The following RIN1 variants were observed in gnomAD, a reference collection of about 807,000 sequenced individuals.
RIN1 encodes ras inhibitor 1.
RIN1 carries 52 observed loss-of-function variants against 64.9 expected under a neutral mutation model. That is an observed-to-expected ratio of 0.80 (90% CI 0.64 to 1.01). The LOEUF (loss-of-function observed/expected upper bound fraction) is 1.01. RIN1 is among the 50% of genes least tolerant of loss of function. RIN1 has a pLI of 0.00. For synonymous variants in RIN1, 486 were observed against 483.6 expected, an observed-to-expected ratio of 1.00 and a Z score of -0.06; for missense variants, 1,040 against 1,064.5, an observed-to-expected ratio of 0.98 and a Z score of 0.32.
In RIN1 at chr11:66,335,021, G is replaced by A. The variant is rs374961888; in HGVS notation, c.778C>T (p.Pro260Ser). The A allele has an allele frequency of 6.5e-7, 1 of 1,537,890 alleles. No individual in the cohort carries two copies. The highest frequency in any genetic ancestry group is 1.4e-5 in the African/African-American group (1 of 72,304). Residue 260 changes from proline to serine, a missense_variant, in exon 6 of 10, where the codon CCT (proline) becomes TCT (serine). Physicochemically the swap from Pro to Ser is moderately conservative, Grantham distance 74. Coordinates refer to ENST00000311320, the MANE Select transcript of RIN1 (RefSeq NM_004292.3). ...GGGACGGGGGGAGGTGGCACGGCAG[G>A]TGGAGACAGGGGGCTGGAGGTCTCT... ...STETSSPLSP[P>S]AVPPPPVPVL...
Position 66,332,558 on chromosome 11 carries a change from G to A in RIN1, c.2070C>T (p.Ala690=), listed in dbSNP as rs145710377. The part of the protein sequence containing the change: ...GYHRLPPGAL[A]HRLPTTGYLV... ...GGTAGCCAGTGGTGGGCAGCCTGTGGGCCAGGGCCCCAGGGGGCAGGCGGT... is the reference window on the plus strand; with the variant it reads ...GGTAGCCAGTGGTGGGCAGCCTGTGAGCCAGGGCCCCAGGGGGCAGGCGGT... The change falls in exon 10 of 10, where the codon GCC becomes GCT. Residue 690 remains alanine, a synonymous_variant. Transcript: ENST00000311320. 2.0e-3 allele frequency: 3,184 copies of A among 1,612,924 alleles called. 48 individuals are homozygous for A. The African/African-American group carries it at 0.036, about 18-fold the overall frequency.
chr11:66,336,704 G>A (rs746998302), upstream of RIN1: 7 of 393,222 alleles, frequency 1.8e-5, no homozygotes, highest in African/African-American at 6.1e-5. Flanking sequence ...GTGGTTAAGC[G>A]GCCTCAGTCC....
intron 6 of RIN1, 49 bp from the exon 7 acceptor site, chr11:66,334,273 G>A: frequency 3.8e-6 from 5 of 1,319,924 alleles, no homozygotes; most frequent in East Asian, 2.5e-5. Context: ...GGTATGGGGG[G>A]CAGAGGCAAG....
At chr11:66,336,475 A>AT, upstream of RIN1, 1 of 1,349,184 alleles carries the variant, frequency 7.4e-7, no homozygotes, top group Non-Finnish European at 1.0e-6. Context: ...AGTGAGTAAC[A>AT]CTTCCTGAGG....
At position 66,331,448 on chromosome 11, in the gene RIN1, G is replaced by C. The variant is rs1409706313; in HGVS notation, c.*828C>G. 1 of 152,264 alleles carries C rather than the reference G, an allele frequency of 6.6e-6. No homozygotes were observed. The highest frequency in any genetic ancestry group is 1.5e-5 in the Non-Finnish European group (1 of 68,060). The allele number at this position is 152,264 out of a possible 1,614,324, so 9.4% of individuals were successfully genotyped here. A position where few individuals can be genotyped will look rare whatever the true frequency, so the allele number is the denominator to read the frequency against. ...ATCTGCCAGCTGGTGGATCTCCCCAGAGATGCTGGAGGGCCTGGGAGGACT... is the reference window on the plus strand; with the variant it reads ...ATCTGCCAGCTGGTGGATCTCCCCACAGATGCTGGAGGGCCTGGGAGGACT... On this transcript the variant is annotated 3_prime_UTR_variant, in exon 10 of 10. Transcript: ENST00000311320.
At chr11:66,333,856 C>T (rs1021603718) in intron 7 of RIN1, 63 bp downstream of exon 7, 55 of 1,458,598 alleles carry the variant, frequency 3.8e-5, no homozygotes, top group African/African-American at 5.7e-5. Context: ...GGGGACCTGC[C>T]GCTGGGGGGC....
chr11:66,336,514 A>T, upstream of RIN1: 1 of 894,362 alleles, frequency 1.1e-6, no homozygotes. Flanking sequence ...CCGCCAGTTA[A>T]CTCTTGTGTG....
chr11:66,334,565 T>C lies in RIN1; in HGVS notation c.1234A>G (p.Met412Val). 6.3e-7 allele frequency: 1 copy of C among 1,588,738 alleles called. No homozygotes were observed. The highest frequency in any genetic ancestry group is 1.1e-5 in the South Asian group (1 of 87,132). ...TCAGGGCCCAGCTCCGCACTCAGCA[T>C]GGCCCGGGCCCGGCTCAGCGCCTGA... The part of the protein sequence containing the change: ...IRQALSRARA[M>V]LSAELGPEKL... The change falls in exon 6 of 10, where the codon ATG becomes GTG. Residue 412 changes from methionine (M) to valine (V), a missense_variant. Coordinates refer to ENST00000311320, the MANE Select transcript of RIN1 (RefSeq NM_004292.3).
rs368001399 is a variant in RIN1, at chr11:66,334,504, G to T, written c.1285+10C>A. 4.1e-5 allele frequency: 65 copies of T among 1,595,418 alleles called. No homozygotes were observed. In the African/African-American group the frequency reaches 8.5e-4, roughly 21 times the overall value. On this transcript the variant is annotated intron_variant, in intron 6 of 9. Transcript: ENST00000311320. The stretch of plus-strand genomic sequence containing the variant: ...GGCAGTGCTGGAGCTATGGAGAGAC[G>T]GAGCCTCACCCAGCCTCTTAGGCGA...
In RIN1 at chr11:66,333,327, G is replaced by T. The variant is rs772997649; in HGVS notation, c.1806C>A (p.Pro602=). ...LGQAHTLPLS[P]VQELRRSLSL... is the part of the protein sequence containing the mutation. ...TGAGGGAGCGCCGTAGCTCCTGCAC[G>T]GGGCTCAGTGGGAGGGTGTGGGCCT... The change falls in exon 9 of 10, where the codon CCC becomes CCA. Residue 602 remains proline (P), a synonymous_variant. Transcript: ENST00000311320. The T allele has an allele frequency of 1.9e-6, 3 of 1,613,188 alleles. No individual in the cohort carries two copies. The Admixed American group carries it at 5.0e-5, about 27-fold the overall frequency.
rs1460412997 is a variant in RIN1, at chr11:66,335,892, G to A, written c.268-16C>T. ...CGAGGAACGTCTGCAAGTGGATAGG[G>A]CTCAGGCAGCTCAGGACCTTGGCGT... On this transcript the variant is annotated splice_polypyrimidine_tract_variant and intron_variant, in intron 2 of 9. Coordinates refer to ENST00000311320, the MANE Select transcript of RIN1 (RefSeq NM_004292.3). The A allele has an allele frequency of 2.5e-5, 39 of 1,539,918 alleles. No individual in the cohort carries two copies. Among genetic ancestry groups the A allele is most frequent in the Non-Finnish European group, 3.1e-5 (35 of 1,143,052 alleles).
rs766399936 is a variant in RIN1 at position 66,334,927 on chromosome 11, C to A, written c.872G>T (p.Ser291Ile). 1.3e-5 allele frequency: 20 copies of A among 1,586,916 alleles called. No homozygotes were observed. Among genetic ancestry groups the A allele is most frequent in the Middle Eastern group, 3.3e-4 (2 of 5,990 alleles). The stretch of plus-strand genomic sequence containing the variant: ...TGCTGGCACGCGGTACCCCACTGAG[C>A]TCTCCCTCCGTAGCAGCTGGCAAGG... ...LPPCQLLRRESSVGYRVPAGS... is the reference protein window; with the variant it reads ...LPPCQLLRREISVGYRVPAGS... Residue 291 changes from serine to isoleucine, a missense_variant, in exon 6 of 10, where the codon AGC becomes ATC. Coordinates refer to ENST00000311320, the MANE Select transcript of RIN1 (RefSeq NM_004292.3).
Position 66,336,378 on chromosome 11 carries a change from C to T in RIN1, c.25G>A (p.Ala9Thr), listed in dbSNP as rs778664939. The change falls in exon 1 of 10, where the codon GCG (alanine) becomes ACG (threonine). Residue 9 changes from alanine (A) to threonine (T), a missense_variant. Physicochemically the swap from Ala to Thr is moderately conservative, Grantham distance 58 (BLOSUM62 0). Transcript: ENST00000311320. MESPGESG[A>T]GSPGAPSPSS... ...GGGCTGGGGGCTCCAGGAGAGCCCG[C>T]GCCTGACTCTCCAGGGCTTTCCATG... is the stretch of plus-strand genomic sequence containing the variant. 1.2e-5 allele frequency: 19 copies of T among 1,613,406 alleles called. No individual in the cohort carries two copies. The highest frequency in any genetic ancestry group is 8.8e-5 in the South Asian group (8 of 90,948).
At position 66,335,405 on chromosome 11, in the gene RIN1, A is replaced by T. The variant is rs776195652; in HGVS notation, c.547+2T>A. On this transcript the variant is annotated splice_donor_variant, in intron 5 of 9. Transcript: ENST00000311320. LOFTEE classifies it high-confidence loss of function. The stretch of plus-strand genomic sequence containing the variant: ...GTGCAATGGGTGGCAGGAAGCCCTT[A>T]CCAATGCCCAGATGGGAGATGGCCT... 2.5e-6 allele frequency: 4 copies of T among 1,606,052 alleles called. No individual in the cohort carries two copies. The highest frequency in any genetic ancestry group is 3.4e-6 in the Non-Finnish European group (4 of 1,174,508).
At chr11:66,333,704 C>CTA in intron 7 of RIN1, 46 bp from the exon 8 acceptor site, 5 of 1,573,762 alleles carry the variant, frequency 3.2e-6, no homozygotes, top group Non-Finnish European at 4.3e-6. Context: ...ACAGTCCTTG[C>CTA]TTTAGGCAGT....
rs1227239137 is a variant in RIN1 at position 66,334,881 on chromosome 11, C to T, written c.918G>A (p.Pro306=). The T allele has an allele frequency of 2.5e-6, 4 of 1,569,502 alleles. No individual in the cohort carries two copies. Among genetic ancestry groups the T allele is most frequent in the Admixed American group, 1.9e-5 (1 of 53,604 alleles). ...CCACCTCTTGGAGGGAGGGCATAGG[C>T]GGAAGGCTAGGGCCACTGCCTGCTG... ...RVPAGSGPSL[P]PMPSLQEVDC... Residue 306 remains proline (P), a synonymous_variant, in exon 6 of 10, where the codon CCG becomes CCA. Coordinates refer to ENST00000311320, the MANE Select transcript of RIN1 (RefSeq NM_004292.3).
In RIN1 at chr11:66,331,274, C is replaced by T. The variant is rs1279823386; in HGVS notation, c.*1002G>A. 6.6e-6 allele frequency: 1 copy of T among 152,288 alleles called. No individual in the cohort carries two copies. The highest frequency in any genetic ancestry group is 1.5e-5 in the Non-Finnish European group (1 of 68,096). The allele number at this position is 152,288 out of a possible 1,614,324, so 9.4% of individuals were successfully genotyped here. A position where few individuals can be genotyped will look rare whatever the true frequency, so the allele number is the denominator to read the frequency against. Reference sequence around the variant, plus strand: ...GATGCCCTGGTTTGGGCGGGGGAACCCTTAAGGACTTGCTATATGACATCC... The same window carrying T: ...GATGCCCTGGTTTGGGCGGGGGAACTCTTAAGGACTTGCTATATGACATCC... On this transcript the variant is annotated 3_prime_UTR_variant, in exon 10 of 10. Coordinates refer to ENST00000311320, the MANE Select transcript of RIN1 (RefSeq NM_004292.3).
chr11:66,332,272 C>G lies in RIN1; in HGVS notation c.*4G>C. On this transcript the variant is annotated 3_prime_UTR_variant, in exon 10 of 10. Coordinates refer to ENST00000311320, the MANE Select transcript of RIN1 (RefSeq NM_004292.3). ...CCCCGAATGACCCTTCTGGCCACTT[C>G]AAGCTACTCCTCTGCTGCCCGGCTT... 1.2e-6 allele frequency: 2 copies of G among 1,613,742 alleles called. No individual in the cohort carries two copies. The highest frequency in any genetic ancestry group is 1.7e-6 in the Non-Finnish European group (2 of 1,179,926).
Position 66,334,719 on chromosome 11 carries a change from C to T in RIN1, c.1080G>A (p.Pro360=), listed in dbSNP as rs773702370. ...MSAAFCSLLA[P]ERQVGRAAAA... ...CCGCAGCCCGGCCCACCTGCCGCTCCGGTGCCAGTAGGGAGCAGAAGGCGG... is the reference window on the plus strand; with the variant it reads ...CCGCAGCCCGGCCCACCTGCCGCTCTGGTGCCAGTAGGGAGCAGAAGGCGG... The change falls in exon 6 of 10, where the codon CCG becomes CCA. Residue 360 remains proline, a synonymous_variant. Transcript: ENST00000311320. 5.2e-5 allele frequency: 80 copies of T among 1,549,528 alleles called. No individual in the cohort carries two copies. The highest frequency in any genetic ancestry group is 6.5e-5 in the Non-Finnish European group (75 of 1,147,770).
Sources: allele counts gnomAD v4.1 joint callset, GRCh38; gene constraint gnomAD v4.1.1; transcripts MANE v1.5; gene names NCBI Gene and HGNC (gene_info 2026-07-23, HGNC 2026-07-21).